The following INSYN2B variants were observed in gnomAD, a reference collection of about 807,000 sequenced individuals.
INSYN2B encodes the protein inhibitory synaptic factor family member 2B.
In INSYN2B, 16 loss-of-function variants were observed where a neutral mutation model predicts 41.2. That is an observed-to-expected ratio of 0.39 (90% CI 0.26 to 0.59). The LOEUF (loss-of-function observed/expected upper bound fraction) is 0.59, where lower values mean the gene tolerates loss of function less well. INSYN2B is among the 20% of genes least tolerant of loss of function. The pLI is 0.57. For missense variants in INSYN2B, 608 were observed against 646.4 expected (o/e 0.94, Z 0.64); for synonymous variants, 245 against 244.4 (o/e 1.00, Z -0.02).
intron 1 of INSYN2B, among the ~76,000 whole-genome samples, chr5:169,949,953 T>C (rs1776593976): frequency 6.6e-6 from 1 of 152,148 alleles, no homozygotes; most frequent in African/African-American, 2.4e-5. Flanking sequence ...GCTTAGATTA[T>C]CCTCTGGCAG....
chr5:169,925,578 T>TAAAAAAAAAAAAAAAAAAA (rs1561828965), intron 1 of INSYN2B, among the ~76,000 whole-genome samples: 1 of 32,324 alleles, frequency 3.1e-5, no homozygotes, highest in African/African-American at 1.3e-4. Context: ...AGACTCTGTC[T>TAAAAAAAAAAAAAAAAAAA]TAAAAAAAAA....
intron 3 of INSYN2B, 37 bp from the exon 4 acceptor site, chr5:169,864,496 C>T (rs1257674644): frequency 2.3e-5 from 33 of 1,440,032 alleles, no homozygotes; most frequent in Middle Eastern, 1.8e-4. Flanking sequence ...AAAGTGAATT[C>T]GAATCAGCAC....
chr5:169,895,746 A>G (rs569025064), intron 1 of INSYN2B, among the ~76,000 whole-genome samples: 9 of 152,034 alleles, frequency 5.9e-5, no homozygotes, highest in African/African-American at 1.9e-4. Flanking sequence ...ATGCACTTAC[A>G]CCTAAACTTG....
chr5:169,966,219 A>G (rs1404284010), intron 1 of INSYN2B, among the ~76,000 whole-genome samples: 1 of 152,196 alleles, frequency 6.6e-6, no homozygotes, highest in Non-Finnish European at 1.5e-5. Context: ...TAATCATAAC[A>G]TAATGTACAT....
chr5:169,975,808 G>C (rs1467045728), intron 1 of INSYN2B, among the ~76,000 whole-genome samples: 1 of 152,194 alleles, frequency 6.6e-6, no homozygotes, highest in Non-Finnish European at 1.5e-5. Flanking sequence ...TCCCAACGGG[G>C]ATGTGAGCTT....
chr5:169,915,133 C>A (rs1186149300), intron 1 of INSYN2B, among the ~76,000 whole-genome samples: 1 of 152,132 alleles, frequency 6.6e-6, no homozygotes, highest in Non-Finnish European at 1.5e-5. Context: ...AGAGATTTAG[C>A]ACAAGTGGAT....
chr5:169,960,145 C>T (rs1329018121), intron 1 of INSYN2B, among the ~76,000 whole-genome samples: 1 of 152,174 alleles, frequency 6.6e-6, no homozygotes. Flanking sequence ...TACCCTGCCT[C>T]TCTGAGTTCT....
At chr5:169,909,736 A>C (rs1033662991) in intron 1 of INSYN2B, among the ~76,000 whole-genome samples, 3 of 152,224 alleles carry the variant, frequency 2.0e-5, no homozygotes, top group Admixed American at 2.0e-4. Context: ...TTCTATCCCA[A>C]AGCCAGTGTC....
chr5:169,912,966 T>C lies in INSYN2B; in HGVS notation c.-918-28150A>G, dbSNP rs75403341. 1.9e-3 allele frequency among the ~76,000 whole-genome samples: 291 copies of C among 152,328 alleles called. 4 individuals are homozygous for C. In the East Asian group the frequency reaches 0.025, roughly 13 times the overall value. ...TGAAGAAAGACAATTTAATGGGTGA[T>C]AATTTTGTATAGAATTTTCAAATTG... On this transcript the variant is annotated intron_variant, in intron 1 of 3. Coordinates refer to ENST00000377365, the MANE Select transcript of INSYN2B (RefSeq NM_001129891.3).
intron 1 of INSYN2B, among the ~76,000 whole-genome samples, chr5:169,903,359 T>C (rs1005847237): frequency 3.5e-5 from 5 of 141,502 alleles, no homozygotes; most frequent in Non-Finnish European, 6.1e-5. Flanking sequence ...AGCAGGGTGG[T>C]AAATACCCAC....
chr5:169,910,799 C>T (rs774105340), intron 1 of INSYN2B, among the ~76,000 whole-genome samples: 1 of 152,168 alleles, frequency 6.6e-6, no homozygotes, highest in Non-Finnish European at 1.5e-5. Context: ...GGCAGGTGCC[C>T]CTTCTGCTTC....
At chr5:169,865,649 G>T (rs972885343) in intron 3 of INSYN2B, among the ~76,000 whole-genome samples, 1 of 152,214 alleles carries the variant, frequency 6.6e-6, no homozygotes, top group Non-Finnish European at 1.5e-5. Flanking sequence ...TTTCATACCA[G>T]GGGTCTCAGA....
intron 1 of INSYN2B, among the ~76,000 whole-genome samples, chr5:169,895,805 C>A (rs78798405): frequency 7.7e-4 from 118 of 152,308 alleles, no homozygotes; most frequent in African/African-American, 2.8e-3. Flanking sequence ...TCAGTTTCCT[C>A]ATTTGAAAAT....
rs1320669627 is a variant in INSYN2B, at chr5:169,971,572, A to G, written c.-919+8705T>C. Among the ~76,000 whole-genome samples, 2 of 152,052 alleles carry G rather than the reference A, an allele frequency of 1.3e-5. 1 individual carries two copies. The highest frequency in any genetic ancestry group is 4.1e-4 in the South Asian group (2 of 4,824). On this transcript the variant is annotated intron_variant, in intron 1 of 3. Coordinates refer to ENST00000377365, the MANE Select transcript of INSYN2B (RefSeq NM_001129891.3). ...TCAGCCTCATAGGATTTTTCTCATCATGGGGATCAGCTTCATAAAAGCCAG... is the reference window on the plus strand; with the variant it reads ...TCAGCCTCATAGGATTTTTCTCATCGTGGGGATCAGCTTCATAAAAGCCAG...
intron 1 of INSYN2B, among the ~76,000 whole-genome samples, chr5:169,894,973 G>A (rs545694406): frequency 6.6e-6 from 1 of 152,206 alleles, no homozygotes; most frequent in East Asian, 1.9e-4. Flanking sequence ...TTTCTTAAGG[G>A]GCCAAGAACA....
chr5:169,874,801 G>C (rs1561785389), intron 3 of INSYN2B, among the ~76,000 whole-genome samples: 1 of 152,150 alleles, frequency 6.6e-6, no homozygotes, highest in Admixed American at 6.5e-5. Context: ...GGAAGGAACG[G>C]TTACAGCTGA....
chr5:169,864,253 GGGGGATGGTCCCAACCA>G lies in INSYN2B; in HGVS notation c.*3_*19del, dbSNP rs1157185607. 3 of 1,548,190 alleles carry G rather than the reference GGGGGATGGTCCCAACCA, an allele frequency of 1.9e-6. No homozygotes were observed. The highest frequency in any genetic ancestry group is 1.2e-5 in the South Asian group (1 of 83,978). On this transcript the variant is annotated 3_prime_UTR_variant, in exon 4 of 4. Transcript: ENST00000377365. Reference sequence around the variant, plus strand: ...GGGAAGTGCGTGGAGTTGGGGGGCTGGGGGATGGTCCCAACCAGCTCAGATCCACCAGAAGCATTTCT... The same window carrying G: ...GGGAAGTGCGTGGAGTTGGGGGGCTGGCTCAGATCCACCAGAAGCATTTCT...
At chr5:169,896,817 A>G (rs908160122) in intron 1 of INSYN2B, among the ~76,000 whole-genome samples, 1 of 152,194 alleles carries the variant, frequency 6.6e-6, no homozygotes, top group African/African-American at 2.4e-5. Context: ...GTAGAAGAGG[A>G]TAAATGTTTA....
Position 169,883,767 on chromosome 5 carries a change from G to A in INSYN2B, c.132C>T (p.Thr44=), listed in dbSNP as rs777465386. Residue 44 remains threonine (T), a synonymous_variant, in exon 2 of 4, where the codon ACC becomes ACT. Coordinates refer to ENST00000377365, the MANE Select transcript of INSYN2B (RefSeq NM_001129891.3). ...SQQVRFKEDG[T]TKNPTGLAEV... ...CAGCTAGGCCAGTTGGATTCTTAGT[G>A]GTCCCATCTTCCTTGAATCTCACCT... is the stretch of plus-strand genomic sequence containing the variant. 3.9e-6 allele frequency: 6 copies of A among 1,551,626 alleles called. No homozygotes were observed. Among genetic ancestry groups the A allele is most frequent in the Non-Finnish European group, 5.2e-6 (6 of 1,146,940 alleles).
Sources: allele counts gnomAD v4.1 joint callset (sites outside exome capture counted in the v4.1 genomes callset), GRCh38; gene constraint gnomAD v4.1.1; transcripts MANE v1.5; gene names NCBI Gene and HGNC (gene_info 2026-07-23, HGNC 2026-07-21).